ZNF335: variants seen among roughly 807,000 people sequenced by gnomAD.
ZNF335 encodes NRC-interacting factor 1.
Under a neutral mutation model 145.6 loss-of-function variants are expected in ZNF335, and 84 were observed. The observed-to-expected ratio is 0.58, with a 90% CI of 0.48 to 0.69. The LOEUF is 0.69. Ranked by LOEUF, ZNF335 falls within the 30% of genes least tolerant of loss-of-function variation. The probability of loss-of-function intolerance (pLI) is 0.00; values close to 1 mark genes in which losing one functional copy is unlikely to be tolerated. For missense variants in ZNF335, 1,865 were observed against 1,809.7 expected (o/e 1.03, Z -0.55); for synonymous variants, 761 against 717.0 (o/e 1.06, Z -0.98).
chr20:45,954,194 C>T (rs770156074), intron 17 of ZNF335, among the ~76,000 whole-genome samples: 10 of 152,214 alleles, frequency 6.6e-5, no homozygotes, highest in Non-Finnish European at 1.5e-4. Flanking sequence ...AAAGATTTGG[C>T]AACGTCTGGA....
At chr20:45,965,972 C>T (rs1473744291) in intron 6 of ZNF335, among the ~76,000 whole-genome samples, 198 bp from the exon 7 acceptor site, 1 of 152,126 alleles carries the variant, frequency 6.6e-6, no homozygotes, top group Admixed American at 6.6e-5. Context: ...CTTTCTCTAC[C>T]CTTCCTGGCA....
intron 17 of ZNF335, among the ~76,000 whole-genome samples, chr20:45,956,845 G>T (rs2145374678): frequency 6.6e-6 from 1 of 152,070 alleles, no homozygotes; most frequent in South Asian, 2.1e-4. Context: ...ATAACCTTGG[G>T]ATACAAGTTG....
In ZNF335 at chr20:45,949,946, C is replaced by T. The variant is rs1275238456; in HGVS notation, c.3591+20G>A. Reference sequence around the variant, plus strand: ...CCCCTGCCTGTCGCTGGCCAGAGGGCCCCCAGTCCTGACTCTTACCTGATT... The same window carrying T: ...CCCCTGCCTGTCGCTGGCCAGAGGGTCCCCAGTCCTGACTCTTACCTGATT... On this transcript the variant is annotated intron_variant, in intron 23 of 27. Coordinates refer to ENST00000322927, the MANE Select transcript of ZNF335 (RefSeq NM_022095.4). 2 of 1,613,902 alleles carry T rather than the reference C, an allele frequency of 1.2e-6. No individual in the cohort carries two copies. The highest frequency in any genetic ancestry group is 1.1e-5 in the South Asian group (1 of 91,080).
In ZNF335 at chr20:45,952,031, C is replaced by G. The variant is rs535912962; in HGVS notation, c.3189+116G>C. On this transcript the variant is annotated intron_variant, in intron 20 of 27. Transcript: ENST00000322927. ...TTGCGGAGTCATCTCTGACCCATCT[C>G]ATCCACTCAGAGGAGAGCAGAGGAT... The G allele has an allele frequency of 2.8e-6, 4 of 1,404,664 alleles. No individual in the cohort carries two copies. In the East Asian group the frequency reaches 7.4e-5, roughly 26 times the overall value. The allele number at this position is 1,404,664 out of a possible 1,614,324, so 87.0% of individuals were successfully genotyped here.
At chr20:45,962,579 G>A (rs1239164785) in intron 9 of ZNF335, among the ~76,000 whole-genome samples, 1 of 152,008 alleles carries the variant, frequency 6.6e-6, no homozygotes, top group Non-Finnish European at 1.5e-5. Flanking sequence ...AGAGCACAGG[G>A]GCTCGCTCTG....
Position 45,950,223 on chromosome 20 carries a change from C to T in ZNF335, c.3483G>A (p.Leu1161=). The T allele has an allele frequency of 6.5e-7, 1 of 1,547,998 alleles. No individual in the cohort carries two copies. Among genetic ancestry groups the T allele is most frequent in the Non-Finnish European group, 8.7e-7 (1 of 1,146,778 alleles). The stretch of plus-strand genomic sequence containing the variant: ...GTGGCCCCAGGGGCAGCTCACTGTG[C>T]AGGGTGGCCAGTGTTTCGTCATCAC... The part of the protein sequence containing the change: ...LNSDDETLAT[L]HTALQSSHGV... Residue 1161 remains leucine (L), a synonymous_variant, in exon 22 of 28, where the codon CTG becomes CTA. Transcript: ENST00000322927.
Position 45,972,200 on chromosome 20 carries a change from AC to A in ZNF335, c.-130del. The A allele has an allele frequency of 7.8e-7, 1 of 1,287,330 alleles. No individual in the cohort carries two copies. Among genetic ancestry groups the A allele is most frequent in the Non-Finnish European group, 1.0e-6 (1 of 987,804 alleles). 79.7% of individuals were successfully genotyped at this position (1,287,330 alleles called of 1,614,324 possible). On this transcript the variant is annotated 5_prime_UTR_variant, in exon 1 of 28. Transcript: ENST00000322927. ...ATCCTCTTTCCTCCGCTGCGGAGGA[AC>A]CCATCGGCCTATTGTAGGCCGGAAC...
At position 45,950,603 on chromosome 20, in the gene ZNF335, G is replaced by C; in HGVS notation, c.3190-8C>G. On this transcript the variant is annotated splice_region_variant and splice_polypyrimidine_tract_variant and intron_variant, in intron 20 of 27. Transcript: ENST00000322927. The stretch of plus-strand genomic sequence containing the variant: ...GTGCTGTGCCATGTGCGCCTGCAGA[G>C]AGGGCAGAGTTGGGGGCATTGGCTG... 8 of 1,613,828 alleles carry C rather than the reference G, an allele frequency of 5.0e-6. No individual in the cohort carries two copies. The highest frequency in any genetic ancestry group is 6.8e-6 in the Non-Finnish European group (8 of 1,179,912).
At chr20:45,961,814 A>G (rs1053056442) in intron 10 of ZNF335, 8 of 434,756 alleles carry the variant, frequency 1.8e-5, no homozygotes, top group Non-Finnish European at 3.4e-5. Flanking sequence ...CCCTTCAACA[A>G]CTGTCCCCGT....
At chr20:45,966,365 A>G (rs904168567) in intron 6 of ZNF335, among the ~76,000 whole-genome samples, 3 of 151,902 alleles carry the variant, frequency 2.0e-5, no homozygotes, top group Non-Finnish European at 4.4e-5. Context: ...GGCGTGAGCC[A>G]CTGTGCCCGG....
chr20:45,949,255 G>A lies in ZNF335; in HGVS notation c.3820-4C>T, dbSNP rs202015831. On this transcript the variant is annotated splice_polypyrimidine_tract_variant and splice_region_variant and intron_variant, in intron 26 of 27. Coordinates refer to ENST00000322927, the MANE Select transcript of ZNF335 (RefSeq NM_022095.4). ...GGGACACAGGCACATACTGGATCTG[G>A]AGGGGAGAAGCTGATAAGATGCTGG... 378 of 1,613,740 alleles carry A rather than the reference G, an allele frequency of 2.3e-4. No individual in the cohort carries two copies. The highest frequency in any genetic ancestry group is 3.1e-4 in the Non-Finnish European group (371 of 1,180,006).
chr20:45,967,750 T>C lies in ZNF335; in HGVS notation c.798A>G (p.Glu266=), dbSNP rs2145414915. 1.2e-6 allele frequency: 2 copies of C among 1,611,370 alleles called. No individual in the cohort carries two copies. Among genetic ancestry groups the C allele is most frequent in the Non-Finnish European group, 8.5e-7 (1 of 1,178,546 alleles). ...CTGACGCACCTGGACGGAAGTGGCG[T>C]TCCCGCATGTGGCGCAGCAGTGTGG... ...TKATLLRHMR[E]RHFRPVAAAA... Residue 266 remains glutamate, a synonymous_variant, in exon 5 of 28, where the codon GAA becomes GAG. Transcript: ENST00000322927.
chr20:45,965,112 T>C (rs2083927872), intron 7 of ZNF335, among the ~76,000 whole-genome samples: 1 of 151,754 alleles, frequency 6.6e-6, no homozygotes, highest in Non-Finnish European at 1.5e-5. Context: ...TGTACTCTTT[T>C]GTGTGTATTT....
intron 7 of ZNF335, 110 bp downstream of exon 7, chr20:45,965,518 G>A (rs1395190925): frequency 7.4e-7 from 1 of 1,345,384 alleles, no homozygotes; most frequent in African/African-American, 1.5e-5. Flanking sequence ...CCCGGTTTGA[G>A]ACAGCTGCCC....
Position 45,952,245 on chromosome 20 carries a change from G to T in ZNF335, c.3091C>A (p.Arg1031=), listed in dbSNP as rs1211729344. The T allele has an allele frequency of 3.1e-6, 5 of 1,613,326 alleles. No homozygotes were observed. Among genetic ancestry groups the T allele is most frequent in the Non-Finnish European group, 4.2e-6 (5 of 1,180,028 alleles). ...CGCTTGTGACTCTCCATCTCAGCTC[G>T]GCCAGGGAAGGCCTCGGCACAGATC... ...CKICAEAFPG[R]AEMESHKRAH... Residue 1031 remains arginine (R), a synonymous_variant, in exon 20 of 28, where the codon CGA becomes AGA. Transcript: ENST00000322927.
chr20:45,965,527 C>A (rs1450354538), intron 7 of ZNF335, 101 bp downstream of exon 7: 3 of 1,412,670 alleles, frequency 2.1e-6, no homozygotes, highest in African/African-American at 1.5e-5. Flanking sequence ...AGACAGCTGC[C>A]CTGCAGGGCA....
chr20:45,948,720 AAAAT>A lies in ZNF335; in HGVS notation c.*229_*232del. 3.5e-6 allele frequency: 2 copies of A among 571,612 alleles called. No individual in the cohort carries two copies. The highest frequency in any genetic ancestry group is 2.0e-5 in the South Asian group (1 of 50,514). The allele number at this position is 571,612 out of a possible 1,614,324, so 35.4% of individuals were successfully genotyped here. On this transcript the variant is annotated 3_prime_UTR_variant, in exon 28 of 28. Transcript: ENST00000322927. ...ACAGGCCAGTGGGTCCACCCAAACAAAAATAAATTTCTCTCCCAAAGCCTGCCTG... is the reference window on the plus strand; with the variant it reads ...ACAGGCCAGTGGGTCCACCCAAACAAAAATTTCTCTCCCAAAGCCTGCCTG...
rs748617576 is a variant in ZNF335, at chr20:45,949,316, T to TC, written c.3819+16dup. The TC allele has an allele frequency of 3.1e-6, 5 of 1,613,792 alleles. No individual in the cohort carries two copies. The highest frequency in any genetic ancestry group is 2.2e-5 in the East Asian group (1 of 44,882). On this transcript the variant is annotated intron_variant, in intron 26 of 27. Transcript: ENST00000322927. ...CCTGCCTGTGCCCCAGGTCTCCCTG[T>TC]CCCCCCACGGCCCTACCTGGGACTC...
At chr20:45,967,380 G>A in intron 6 of ZNF335, 114 bp downstream of exon 6, 2 of 1,521,704 alleles carry the variant, frequency 1.3e-6, no homozygotes, top group Non-Finnish European at 1.8e-6. Flanking sequence ...TATACTGGAG[G>A]GACCTGTGGA....
Sources: allele counts gnomAD v4.1 joint callset (sites outside exome capture counted in the v4.1 genomes callset), GRCh38; gene constraint gnomAD v4.1.1; transcripts MANE v1.5; gene names NCBI Gene and HGNC (gene_info 2026-07-23, HGNC 2026-07-21).